Variants in SLC16A9 observed in about 807,000 individuals in gnomAD.
The protein encoded by SLC16A9 is monocarboxylate transporter 9.
In SLC16A9, 26 loss-of-function variants were observed where a neutral mutation model predicts 44.3. That is an observed-to-expected ratio of 0.59 (90% CI 0.43 to 0.81). The LOEUF (loss-of-function observed/expected upper bound fraction) is 0.81, where lower values mean the gene tolerates loss of function less well. SLC16A9 is among the 40% of genes least tolerant of loss of function. The pLI is 0.00. For synonymous variants in SLC16A9, 230 were observed against 225.1 expected (o/e 1.02, Z -0.19); for missense variants, 559 against 595.8 (o/e 0.94, Z 0.64).
At chr10:59,705,098 G>A (rs934522158) in intron 1 of SLC16A9, among the ~76,000 whole-genome samples, 3 of 151,236 alleles carry the variant, frequency 2.0e-5, no homozygotes, top group South Asian at 2.1e-4. Context: ...ATTTTTTTTC[G>A]TCCCACATCC....
chr10:59,654,681 G>A, intron 4 of SLC16A9, 92 bp from the exon 5 acceptor site: 2 of 1,009,808 alleles, frequency 2.0e-6, no homozygotes, highest in East Asian at 2.6e-5. Flanking sequence ...TTTTTATACT[G>A]GCATTTATAT....
At chr10:59,667,761 C>A (rs1839652984) in intron 3 of SLC16A9, among the ~76,000 whole-genome samples, 1 of 152,158 alleles carries the variant, frequency 6.6e-6, no homozygotes, top group Non-Finnish European at 1.5e-5. Context: ...ATTCTGTGTA[C>A]CAACCTCCAG....
intron 1 of SLC16A9, among the ~76,000 whole-genome samples, chr10:59,692,025 G>A (rs943759040): frequency 3.3e-5 from 5 of 152,138 alleles, no homozygotes; most frequent in Admixed American, 6.5e-5. Context: ...CCCCATTTGA[G>A]CATTGTCTAT....
At chr10:59,659,937 G>A (rs1178653030) in intron 4 of SLC16A9, among the ~76,000 whole-genome samples, 2 of 152,122 alleles carry the variant, frequency 1.3e-5, no homozygotes, top group Non-Finnish European at 1.5e-5. Context: ...AAATAAATAA[G>A]TTCTTTGAAA....
chr10:59,653,431 A>AAAAAAAAAAAAAAAAAAAAAAAAAC, intron 5 of SLC16A9, among the ~76,000 whole-genome samples: 1 of 130,282 alleles, frequency 7.7e-6, no homozygotes, highest in Non-Finnish European at 1.5e-5. Context: ...GTCTCAAAAA[A>AAAAAAAAAAAAAAAAAAAAAAAAAC]AAAAAAAAAA....
chr10:59,672,399 A>G (rs895899012), intron 3 of SLC16A9, among the ~76,000 whole-genome samples: 3 of 152,200 alleles, frequency 2.0e-5, no homozygotes, highest in African/African-American at 7.2e-5. Flanking sequence ...TCAAAGAATC[A>G]TGCTTGACTG....
intron 2 of SLC16A9, among the ~76,000 whole-genome samples, chr10:59,677,821 T>C (rs1355760124): frequency 6.6e-6 from 1 of 152,144 alleles, no homozygotes; most frequent in Non-Finnish European, 1.5e-5. Flanking sequence ...TTATTCCCTT[T>C]AGGAAATAAA....
At chr10:59,707,707 T>C (rs1362508943) in intron 1 of SLC16A9, among the ~76,000 whole-genome samples, 1 of 152,120 alleles carries the variant, frequency 6.6e-6, no homozygotes, top group Non-Finnish European at 1.5e-5. Context: ...ATCATAAATA[T>C]ATACAATTTT....
chr10:59,653,436 A>AAAAAAAAAAAAAAAAAAAAAAAAAAAAC (rs1344724023), intron 5 of SLC16A9, among the ~76,000 whole-genome samples: 1 of 149,590 alleles, frequency 6.7e-6, no homozygotes, highest in Admixed American at 6.7e-5. Context: ...AAAAAAAAAA[A>AAAAAAAAAAAAAAAAAAAAAAAAAAAAC]AAAAAAAAAG....
intron 3 of SLC16A9, 62 bp from the exon 4 acceptor site, chr10:59,664,384 A>G: frequency 1.8e-6 from 2 of 1,131,044 alleles, no homozygotes; most frequent in Non-Finnish European, 2.6e-6. Flanking sequence ...AAGAGAAAAA[A>G]GGAAAAACAA....
chr10:59,684,414 A>T, intron 1 of SLC16A9, 87 bp from the exon 2 acceptor site: 2 of 216,992 alleles, frequency 9.2e-6, no homozygotes, highest in Non-Finnish European at 1.7e-5. Context: ...TCCTAAAGTG[A>T]AAAAAAAAAA....
chr10:59,679,996 C>T (rs547177705), intron 2 of SLC16A9, among the ~76,000 whole-genome samples: 41 of 152,104 alleles, frequency 2.7e-4, no homozygotes, highest in Middle Eastern at 3.4e-3. Context: ...TATTAGTTAC[C>T]TTTTTTTTCT....
intron 1 of SLC16A9, among the ~76,000 whole-genome samples, chr10:59,705,578 G>A (rs1429634911): frequency 6.6e-6 from 1 of 152,084 alleles, no homozygotes; most frequent in Non-Finnish European, 1.5e-5. Context: ...ACTGCATATT[G>A]CCCCAGGAAA....
chr10:59,690,273 G>A (rs528440726), intron 1 of SLC16A9, among the ~76,000 whole-genome samples: 28 of 152,316 alleles, frequency 1.8e-4, no homozygotes, highest in Non-Finnish European at 3.1e-4. Context: ...GCTACTAAGG[G>A]AGACCAGAAG....
At chr10:59,657,798 G>A (rs12263686) in intron 4 of SLC16A9, among the ~76,000 whole-genome samples, 4,492 of 152,212 alleles carry the variant, frequency 0.03, 211 homozygotes, top group African/African-American at 0.1. Flanking sequence ...AATGTGATGG[G>A]TACTATTTGT....
chr10:59,660,180 A>G (rs1158430680), intron 4 of SLC16A9, among the ~76,000 whole-genome samples: 1 of 152,222 alleles, frequency 6.6e-6, no homozygotes, highest in Non-Finnish European at 1.5e-5. Flanking sequence ...TAGAGACATG[A>G]AAAATCCTTC....
chr10:59,709,229 C>A (rs924889075), intron 1 of SLC16A9, among the ~76,000 whole-genome samples: 1 of 152,244 alleles, frequency 6.6e-6, no homozygotes, highest in Non-Finnish European at 1.5e-5. Context: ...TACAAAATGC[C>A]GCCTTCGGAT....
intron 2 of SLC16A9, among the ~76,000 whole-genome samples, chr10:59,678,578 C>G (rs1283268470): frequency 2.4e-5 from 1 of 41,492 alleles, no homozygotes; most frequent in Non-Finnish European, 5.6e-5. Context: ...GCTCTGTCGC[C>G]CAGGCCGGAC....
rs2132387006 is a variant in SLC16A9 at position 59,652,657 on chromosome 10, GTGAAAT to G, written c.*109_*114del. On this transcript the variant is annotated 3_prime_UTR_variant, in exon 6 of 6. Transcript: ENST00000395348. Reference sequence around the variant, plus strand: ...AATAATTCATTCAGAGTCAGTCATTGTGAAATTTTGCTATGAGAAAATAGTCTTGAC... The same window carrying G: ...AATAATTCATTCAGAGTCAGTCATTGTTTGCTATGAGAAAATAGTCTTGAC... The G allele has an allele frequency of 2.2e-6, 2 of 909,670 alleles. No homozygotes were observed. The highest frequency in any genetic ancestry group is 3.4e-5 in the African/African-American group (2 of 58,442). The allele number at this position is 909,670 out of a possible 1,614,324, so 56.3% of individuals were successfully genotyped here.
Sources: gnomAD v4.1 joint callset for allele counts (sites outside exome capture counted in the v4.1 genomes callset) on GRCh38, gnomAD v4.1.1 for gene constraint, MANE v1.5 for transcripts, NCBI Gene and HGNC (gene_info 2026-07-23, HGNC 2026-07-21) for gene names.